USP39: variants seen among roughly 807,000 people sequenced by gnomAD.
The protein encoded by USP39 is ubiquitin carboxyl-terminal hydrolase 39.
A neutral mutation model predicts 66.4 loss-of-function variants in USP39; 38 were observed. The observed-to-expected ratio is 0.57, with a 90% confidence interval of 0.44 to 0.75. The LOEUF (loss-of-function observed/expected upper bound fraction) is 0.75, where lower values mean the gene tolerates loss of function less well. USP39 is among the 30% of genes least tolerant of loss of function. The probability of loss-of-function intolerance (pLI) is 0.00; values close to 1 mark genes in which losing one functional copy is unlikely to be tolerated. For missense variants in USP39, 608 were observed against 714.4 expected (o/e 0.85, Z 1.70); for synonymous variants, 303 against 274.6 (o/e 1.10, Z -1.02).
intron 4 of USP39, among the ~76,000 whole-genome samples, chr2:85,625,041 C>T (rs189736192): frequency 3.3e-5 from 5 of 151,878 alleles, no homozygotes; most frequent in Admixed American, 2.0e-4. Context: ...AGTGAGTTTG[C>T]GATGATCTCT....
In USP39 at chr2:85,623,710, C is replaced by CCT; in HGVS notation, c.500_501dup (p.His168SerfsTer27). On this transcript the variant is annotated frameshift_variant, in exon 4 of 13. Transcript: ENST00000323701. LOFTEE classifies it high-confidence loss of function. ...AGTTTAGCCACCATGTTTTCCTCAA[C>CCT]CTCCACACCCTCAAGTTTTACTGCC... The CCT allele has an allele frequency of 6.2e-7, 1 of 1,614,040 alleles. No individual in the cohort carries two copies. Among genetic ancestry groups the CCT allele is most frequent in the Non-Finnish European group, 8.5e-7 (1 of 1,179,986 alleles).
At chr2:85,624,962 T>TAAAAAAAAAA (rs11370666) in intron 4 of USP39, among the ~76,000 whole-genome samples, 1 of 137,414 alleles carries the variant, frequency 7.3e-6, no homozygotes. Flanking sequence ...AAACTCCATC[T>TAAAAAAAAAA]AAAAAAAAAA....
chr2:85,643,148 T>C (rs1036244444), intron 10 of USP39, among the ~76,000 whole-genome samples: 13 of 152,068 alleles, frequency 8.5e-5, no homozygotes, highest in Admixed American at 5.9e-4. Context: ...GTAGTATTTC[T>C]CTTTTGCCGC....
rs998576092 is a variant in USP39, at chr2:85,636,096, C to G, written c.993C>G (p.His331Gln). Residue 331 changes from histidine to glutamine, a missense_variant, in exon 7 of 13, where the codon CAC (histidine) becomes CAG (glutamine). His to Gln is a conservative substitution (Grantham distance 24). This residue lies in a region of USP39 where 72 missense variants were observed against 60.1 expected (regional missense o/e 1.20). Transcript: ENST00000323701. ...DFLSWFLNAL[H>Q]SALGGTKKKK... ...TGTCTTGGTTTCTGAATGCTCTGCA[C>G]TCAGCTCTGGGGGGCACAAAGAAGA... The G allele has an allele frequency of 6.2e-7, 1 of 1,614,134 alleles. No individual in the cohort carries two copies. Among genetic ancestry groups the G allele is most frequent in the Non-Finnish European group, 8.5e-7 (1 of 1,180,022 alleles).
At chr2:85,616,608 C>G in intron 1 of USP39, 145 bp downstream of exon 1, 1 of 1,312,530 alleles carries the variant, frequency 7.6e-7, no homozygotes, top group Non-Finnish European at 1.0e-6. Flanking sequence ...CCAGACTCGA[C>G]GATTCTGCTG....
chr2:85,644,778 G>A (rs1462709313), intron 10 of USP39, among the ~76,000 whole-genome samples, 170 bp from the exon 11 acceptor site: 1 of 151,094 alleles, frequency 6.6e-6, no homozygotes, highest in Admixed American at 6.6e-5. Context: ...ATTCATTTTG[G>A]CATATTTTGT....
At chr2:85,613,624 G>A (rs1673718039), upstream of USP39, among the ~76,000 whole-genome samples, 1 of 152,234 alleles carries the variant, frequency 6.6e-6, no homozygotes, top group Non-Finnish European at 1.5e-5. Context: ...AATATGCCCA[G>A]TGAAAGAGGC....
chr2:85,643,340 A>AT (rs1444795033), intron 10 of USP39, among the ~76,000 whole-genome samples: 2 of 151,968 alleles, frequency 1.3e-5, no homozygotes, highest in Admixed American at 6.6e-5. Flanking sequence ...AATTCAAAAA[A>AT]TTAGCCAGGC....
chr2:85,639,097 T>G, intron 8 of USP39, 106 bp from the exon 9 acceptor site: 1 of 1,201,910 alleles, frequency 8.3e-7, no homozygotes, highest in Non-Finnish European at 1.1e-6. Context: ...CACTTCTCTT[T>G]GTTCTTTCAG....
At chr2:85,647,666 AAAAAAAAC>A (rs962913190) in intron 11 of USP39, among the ~76,000 whole-genome samples, 9 of 152,092 alleles carry the variant, frequency 5.9e-5, no homozygotes, top group Non-Finnish European at 8.8e-5. Context: ...CTCAAAAAAA[AAAAAAAAC>A]AAAAAAACAA....
At position 85,604,644 on chromosome 2, in the gene USP39, G is replaced by A. The variant is rs149929914; in HGVS notation, n.226+1563G>A. ...GGGGATAAAATCCAGCTCACCTGCCGCTGGCTATGCTTTGTGCCTCAGGAC... is the reference window on the plus strand; with the variant it reads ...GGGGATAAAATCCAGCTCACCTGCCACTGGCTATGCTTTGTGCCTCAGGAC... On this transcript the variant is annotated intron_variant and non_coding_transcript_variant, in intron 1 of 12. Transcript: ENST00000459775. 2.8e-3 allele frequency among the ~76,000 whole-genome samples: 430 copies of A among 152,304 alleles called. 1 individual carries two copies. The highest frequency in any genetic ancestry group is 3.7e-3 in the Non-Finnish European group (253 of 68,030).
intron 5 of USP39, among the ~76,000 whole-genome samples, chr2:85,626,358 G>A (rs141769271): frequency 2.6e-5 from 4 of 152,140 alleles, no homozygotes; most frequent in South Asian, 2.1e-4. Context: ...AAACTCCTCC[G>A]TCTCAAAAAA....
At position 85,625,680 on chromosome 2, in the gene USP39, G is replaced by GCTGT; in HGVS notation, c.714_717dup (p.Leu240CysfsTer7). 2.5e-6 allele frequency: 4 copies of GCTGT among 1,612,796 alleles called. No individual in the cohort carries two copies. The highest frequency in any genetic ancestry group is 2.5e-6 in the Non-Finnish European group (3 of 1,179,146). ...CATAAAGGCCAATGATTATGCCAAC[G>GCTGT]CTGTCCTTCAGGTAAGATCAAGACG... is the stretch of plus-strand genomic sequence containing the variant. On this transcript the variant is annotated frameshift_variant, in exon 5 of 13. Transcript: ENST00000323701. LOFTEE classifies it high-confidence loss of function.
intron 3 of USP39, 36 bp from the exon 4 acceptor site, chr2:85,623,610 T>C (rs1674627578): frequency 6.3e-7 from 1 of 1,599,992 alleles, no homozygotes; most frequent in Non-Finnish European, 8.5e-7. Flanking sequence ...TTCTAGTATC[T>C]GCCCTTCTAT....
chr2:85,609,552 T>C, upstream of USP39: 2 of 1,614,176 alleles, frequency 1.2e-6, no homozygotes, highest in Non-Finnish European at 1.7e-6. Context: ...CACCGGACTC[T>C]TCATAGTCTG....
Position 85,625,431 on chromosome 2 carries a change from G to T in USP39, c.571-108G>T. On this transcript the variant is annotated intron_variant, in intron 4 of 12. Coordinates refer to ENST00000323701, the MANE Select transcript of USP39 (RefSeq NM_006590.4). ...GGTTCGGACTATTTTTCTGTGTGTG[G>T]TGGGATGTTCATGGCCAAGTGTTTT... 2.8e-6 allele frequency: 4 copies of T among 1,432,270 alleles called. No individual in the cohort carries two copies. In the African/African-American group the frequency reaches 5.7e-5, roughly 20 times the overall value. 88.7% of individuals were successfully genotyped at this position (1,432,270 alleles called of 1,614,324 possible).
chr2:85,623,800 T>C lies in USP39; in HGVS notation c.570+18T>C. The stretch of plus-strand genomic sequence containing the variant: ...ATATCACGGTGTGTGTCTAAGAGGG[T>C]TGGTTTGGGGTCCATTCTTTAATGA... On this transcript the variant is annotated intron_variant, in intron 4 of 12. Transcript: ENST00000323701. 1 of 1,603,336 alleles carries C rather than the reference T, an allele frequency of 6.2e-7. No homozygotes were observed. Among genetic ancestry groups the C allele is most frequent in the Non-Finnish European group, 8.5e-7 (1 of 1,175,046 alleles).
At chr2:85,641,336 C>T (rs1271996466) in intron 10 of USP39, among the ~76,000 whole-genome samples, 1 of 152,170 alleles carries the variant, frequency 6.6e-6, no homozygotes, top group South Asian at 2.1e-4. Context: ...TATCTTCTCT[C>T]CTGTTGCTAG....
At chr2:85,616,960 G>A (rs979842861) in intron 1 of USP39, among the ~76,000 whole-genome samples, 1 of 152,024 alleles carries the variant, frequency 6.6e-6, no homozygotes, top group Non-Finnish European at 1.5e-5. Flanking sequence ...AAAGTGCTGG[G>A]ATTACAGGCG....
Sources: gnomAD v4.1 joint callset for allele counts (sites outside exome capture counted in the v4.1 genomes callset) on GRCh38, gnomAD v4.1.1 for gene constraint, gnomAD v4.1.1 regional missense constraint, MANE v1.5 for transcripts, NCBI Gene and HGNC (gene_info 2026-07-23, HGNC 2026-07-21) for gene names.